OCIAD2: variants seen among roughly 807,000 people sequenced by gnomAD.
OCIAD2 encodes the protein OCIA domain-containing protein 2.
OCIAD2 carries 29 observed loss-of-function variants against 22.9 expected under a neutral mutation model. The ratio of observed to expected loss-of-function variants is 1.27; its 90% confidence interval spans 0.94 to 1.73. OCIAD2 has a LOEUF of 1.73. Ranked by LOEUF, OCIAD2 falls within the 40% of genes most tolerant of loss-of-function variation. OCIAD2 has a pLI of 0.00. For missense variants in OCIAD2, 189 were observed against 180.3 expected, an observed-to-expected ratio of 1.05 and a Z score of -0.28; for synonymous variants, 67 against 60.2, an observed-to-expected ratio of 1.11 and a Z score of -0.52.
At chr4:48,901,800 TGGTGCCATCATA>T (rs1326376763) in intron 2 of OCIAD2, among the ~76,000 whole-genome samples, 1 of 152,164 alleles carries the variant, frequency 6.6e-6, no homozygotes, top group Non-Finnish European at 1.5e-5. Flanking sequence ...TGGAGTATAG[TGGTGCCATCATA>T]GCTCACTGCA....
rs567015639 is a variant in OCIAD2, at chr4:48,885,240, C to T, written c.*244G>A. Reference sequence around the variant, plus strand: ...CTGACCTCAAATGATCTGCCTGCCTCGGCCTCCCAAAGTACTGGGATTACA... The same window carrying T: ...CTGACCTCAAATGATCTGCCTGCCTTGGCCTCCCAAAGTACTGGGATTACA... On this transcript the variant is annotated 3_prime_UTR_variant, in exon 7 of 7. Coordinates refer to ENST00000508632, the MANE Select transcript of OCIAD2 (RefSeq NM_001014446.3). 6.7e-4 allele frequency: 259 copies of T among 386,854 alleles called. 4 individuals are homozygous for T. The South Asian group carries it at 8.8e-3, about 13-fold the overall frequency. 24.0% of individuals were successfully genotyped at this position (386,854 alleles called of 1,614,324 possible).
chr4:48,899,702 C>T (rs1781374869), intron 3 of OCIAD2, 127 bp downstream of exon 3: 1 of 647,974 alleles, frequency 1.5e-6, no homozygotes, highest in Non-Finnish European at 2.6e-6. Context: ...AAACTCTAAA[C>T]ATCCCTGAAT....
At chr4:48,902,234 T>C (rs750088428) in intron 2 of OCIAD2, among the ~76,000 whole-genome samples, 3 of 152,210 alleles carry the variant, frequency 2.0e-5, no homozygotes, top group Non-Finnish European at 2.9e-5. Context: ...AGTTTGATTG[T>C]GCTGATCTTG....
chr4:48,901,828 G>A lies in OCIAD2; in HGVS notation c.67-1903C>T, dbSNP rs150211475. Reference sequence around the variant, plus strand: ...TGCCATCATAGCTCACTGCAGCCTCGAACTCCTGGGCTCAAGTTAACCTCC... The same window carrying A: ...TGCCATCATAGCTCACTGCAGCCTCAAACTCCTGGGCTCAAGTTAACCTCC... On this transcript the variant is annotated intron_variant, in intron 2 of 6. Transcript: ENST00000508632. Among the ~76,000 whole-genome samples, 483 of 152,118 alleles carry A rather than the reference G, an allele frequency of 3.2e-3. 2 individuals are homozygous for A. The highest frequency in any genetic ancestry group is 0.011 in the African/African-American group (463 of 41,492).
In OCIAD2 at chr4:48,885,577, G is replaced by T. The variant is rs779049832; in HGVS notation, c.384-12C>A. 6.6e-7 allele frequency: 1 copy of T among 1,510,050 alleles called. No homozygotes were observed. 93.5% of individuals were successfully genotyped at this position (1,510,050 alleles called of 1,614,324 possible). On this transcript the variant is annotated splice_polypyrimidine_tract_variant and intron_variant, in intron 6 of 6. Transcript: ENST00000508632. ...TAAGGAGGCAGTGCCTAGAAGAGAAGCAAAAATAGACAGCGGTTTGTACTT... is the reference window on the plus strand; with the variant it reads ...TAAGGAGGCAGTGCCTAGAAGAGAATCAAAAATAGACAGCGGTTTGTACTT...
chr4:48,887,934 G>A (rs1373903440), intron 6 of OCIAD2, among the ~76,000 whole-genome samples: 1 of 152,122 alleles, frequency 6.6e-6, no homozygotes, highest in Non-Finnish European at 1.5e-5. Flanking sequence ...TGGGCAGTAT[G>A]GCCATTTTCA....
rs888277463 is a variant in OCIAD2, at chr4:48,905,515, A to G, written c.-62-904T>C. Among the ~76,000 whole-genome samples the G allele has an allele frequency of 4.6e-5, 7 of 152,222 alleles. No homozygotes were observed. In the East Asian group the frequency reaches 5.8e-4, roughly 13 times the overall value. Reference sequence around the variant, plus strand: ...TTCTGAAGGAGGGAGTGAATCATCAACACCATCACATGGCTTAGAAAAGTG... The same window carrying G: ...TTCTGAAGGAGGGAGTGAATCATCAGCACCATCACATGGCTTAGAAAAGTG... On this transcript the variant is annotated intron_variant, in intron 1 of 6. Coordinates refer to ENST00000508632, the MANE Select transcript of OCIAD2 (RefSeq NM_001014446.3).
intron 6 of OCIAD2, among the ~76,000 whole-genome samples, chr4:48,888,485 CTCT>C (rs1282576184): frequency 6.6e-6 from 1 of 152,096 alleles, no homozygotes; most frequent in Admixed American, 6.6e-5. Flanking sequence ...TCATAAATAG[CTCT>C]TATTATTTTG....
At chr4:48,891,392 G>A (rs1248626406) in intron 6 of OCIAD2, among the ~76,000 whole-genome samples, 18 of 152,166 alleles carry the variant, frequency 1.2e-4, no homozygotes, top group Non-Finnish European at 2.4e-4. Flanking sequence ...ATAGGGCATA[G>A]CAATTCATTA....
At chr4:48,902,130 T>C (rs1371392636) in intron 2 of OCIAD2, among the ~76,000 whole-genome samples, 1 of 152,134 alleles carries the variant, frequency 6.6e-6, no homozygotes, top group Non-Finnish European at 1.5e-5. Flanking sequence ...CATATTTCCT[T>C]GTTTGTGAAT....
chr4:48,885,686 C>A, intron 6 of OCIAD2, 121 bp from the exon 7 acceptor site: 1 of 622,436 alleles, frequency 1.6e-6, no homozygotes, highest in South Asian at 2.3e-5. Flanking sequence ...TGGGGGGAGT[C>A]TATCTATGTT....
intron 6 of OCIAD2, among the ~76,000 whole-genome samples, chr4:48,887,558 C>T (rs1781027378): frequency 6.6e-6 from 1 of 152,192 alleles, no homozygotes; most frequent in Admixed American, 6.5e-5. Context: ...CTACATATGG[C>T]TAGCCAGTTT....
intron 6 of OCIAD2, among the ~76,000 whole-genome samples, chr4:48,890,331 G>A (rs1243556609): frequency 6.6e-6 from 1 of 151,978 alleles, no homozygotes; most frequent in Non-Finnish European, 1.5e-5. Flanking sequence ...CCAATAATGA[G>A]CTTTATGTTG....
At chr4:48,905,923 T>C (rs1460119828) in intron 1 of OCIAD2, among the ~76,000 whole-genome samples, 2 of 152,148 alleles carry the variant, frequency 1.3e-5, no homozygotes, top group African/African-American at 4.8e-5. Flanking sequence ...TTGGGCATAA[T>C]GGACACAACA....
chr4:48,892,966 T>C (rs1781215062), intron 5 of OCIAD2, 77 bp from the exon 6 acceptor site: 2 of 701,610 alleles, frequency 2.9e-6, no homozygotes, highest in Non-Finnish European at 2.5e-6. Context: ...AAATCAACGC[T>C]GGTAATTTTA....
At chr4:48,896,433 TA>T (rs572315201) in intron 4 of OCIAD2, among the ~76,000 whole-genome samples, 5 of 149,432 alleles carry the variant, frequency 3.3e-5, no homozygotes, top group Non-Finnish European at 4.5e-5. Flanking sequence ...CTGCAAAAAT[TA>T]AAAAAAAAAT....
intron 1 of OCIAD2, among the ~76,000 whole-genome samples, 196 bp downstream of exon 1, chr4:48,906,462 C>T (rs1019483449): frequency 5.9e-5 from 9 of 152,202 alleles, no homozygotes; most frequent in African/African-American, 2.2e-4. Flanking sequence ...CGCTGCCATC[C>T]CTGGCCAGAA....
At chr4:48,892,517 A>G (rs1389572048) in intron 6 of OCIAD2, among the ~76,000 whole-genome samples, 1 of 152,178 alleles carries the variant, frequency 6.6e-6, no homozygotes, top group Non-Finnish European at 1.5e-5. Context: ...CTCATTGAGG[A>G]ATTCTTTAGT....
At position 48,885,073 on chromosome 4, in the gene OCIAD2, C is replaced by T. The variant is rs7685360; in HGVS notation, c.*411G>A. 0.34 allele frequency: 57,340 copies of T among 171,044 alleles called. 10,649 individuals are homozygous for T. The highest frequency in any genetic ancestry group is 0.5 in the East Asian group (2,876 of 5,732). 10.6% of individuals were successfully genotyped at this position (171,044 alleles called of 1,614,324 possible). ...CAATCTCTGCTCGCTGCAACTTTCG[C>T]CTCCTGGGTTCAAGTGATTCTCCTG... On this transcript the variant is annotated 3_prime_UTR_variant, in exon 7 of 7. Coordinates refer to ENST00000508632, the MANE Select transcript of OCIAD2 (RefSeq NM_001014446.3).
Sources: allele counts gnomAD v4.1 joint callset (sites outside exome capture counted in the v4.1 genomes callset), GRCh38; gene constraint gnomAD v4.1.1; transcripts MANE v1.5; gene names NCBI Gene and HGNC (gene_info 2026-07-23, HGNC 2026-07-21).